Variants in COL4A3 observed in about 807,000 individuals in gnomAD.
COL4A3 encodes collagen alpha-3(IV) chain.
Under a neutral mutation model 217.4 loss-of-function variants are expected in COL4A3, and 135 were observed. That is an observed-to-expected ratio of 0.62 (90% CI 0.54 to 0.72). The LOEUF (loss-of-function observed/expected upper bound fraction) is 0.72, where lower values mean the gene tolerates loss of function less well. COL4A3 is among the 30% of genes least tolerant of loss of function. COL4A3 has a pLI of 0.00. For synonymous variants in COL4A3, 690 were observed against 736.3 expected (o/e 0.94, Z 1.02); for missense variants, 1,868 against 2,119.9 (o/e 0.88, Z 2.33).
chr2:227,202,168 A>G (rs1335119846), intron 1 of COL4A3, among the ~76,000 whole-genome samples: 2 of 152,182 alleles, frequency 1.3e-5, no homozygotes, highest in Non-Finnish European at 2.9e-5. Context: ...AATGTGTTGT[A>G]ACATTGTAGG....
chr2:227,225,477 G>A (rs1437414073), intron 1 of COL4A3, among the ~76,000 whole-genome samples: 1 of 152,094 alleles, frequency 6.6e-6, no homozygotes, highest in Non-Finnish European at 1.5e-5. Flanking sequence ...GATAAGATTA[G>A]TTTACTTTCA....
At chr2:227,198,781 T>A (rs571594662) in intron 1 of COL4A3, among the ~76,000 whole-genome samples, 3 of 152,176 alleles carry the variant, frequency 2.0e-5, no homozygotes, top group Admixed American at 1.3e-4. Context: ...GAAAAGATAT[T>A]CCATATTTAT....
In COL4A3 at chr2:227,237,980, A is replaced by G; in HGVS notation, c.100A>G (p.Lys34Glu). Residue 34 changes from lysine to glutamate, a missense_variant, in exon 2 of 52, where the codon AAA becomes GAA. Transcript: ENST00000396578. ...APAASKGCVC[K>E]DKGQCFCDGA... ...TCCCTCTTCCTAGGGTTGTGTCTGT[A>G]AAGACAAAGGCCAGTGCTTCTGTGA... The G allele has an allele frequency of 6.2e-7, 1 of 1,610,474 alleles. No homozygotes were observed. Among genetic ancestry groups the G allele is most frequent in the Non-Finnish European group, 8.5e-7 (1 of 1,176,872 alleles).
intron 1 of COL4A3, among the ~76,000 whole-genome samples, chr2:227,174,663 T>C (rs1024258715): frequency 2.6e-5 from 4 of 152,076 alleles, no homozygotes; most frequent in Non-Finnish European, 4.4e-5. Context: ...CCTGCCACTA[T>C]GCCCGCCTAA....
chr2:227,307,984 T>A, intron 48 of COL4A3, 65 bp downstream of exon 48: 4 of 1,413,700 alleles, frequency 2.8e-6, no homozygotes, highest in Non-Finnish European at 4.0e-6. Flanking sequence ...CTTTATAGCC[T>A]AGGATGCTTC....
chr2:227,167,746 A>T (rs966796768), intron 1 of COL4A3, among the ~76,000 whole-genome samples: 17 of 152,220 alleles, frequency 1.1e-4, no homozygotes, highest in Admixed American at 3.3e-4. Context: ...TATCCCTGAG[A>T]TTAAGCAAGT....
chr2:227,298,620 T>C (rs2073138324), intron 42 of COL4A3, 62 bp from the exon 43 acceptor site: 1 of 1,607,682 alleles, frequency 6.2e-7, no homozygotes, highest in Non-Finnish European at 8.5e-7. Flanking sequence ...AAACAATCAC[T>C]GATAAATAGA....
At chr2:227,274,519 G>A (rs115695280) in intron 26 of COL4A3, among the ~76,000 whole-genome samples, 3,641 of 148,844 alleles carry the variant, frequency 0.024, 150 homozygotes, top group African/African-American at 0.084. Context: ...TTTTGTCTGA[G>A]ATGGAATCTT....
rs1460616042 is a variant in COL4A3, at chr2:227,191,616, G to T, written c.87+26803G>T. On this transcript the variant is annotated intron_variant, in intron 1 of 51. Transcript: ENST00000396578. This position sits in a 1 kb window ranked among gnomAD's most constrained non-coding sequence, Gnocchi z 6.8. ...TCAGGATGATCAGATTTCAAAGTCG[G>T]CCAAATAACTCATCTTGGAGACAGA... Among the ~76,000 whole-genome samples, 1 of 152,130 alleles carries T rather than the reference G, an allele frequency of 6.6e-6. No individual in the cohort carries two copies. Among genetic ancestry groups the T allele is most frequent in the Non-Finnish European group, 1.5e-5 (1 of 68,026 alleles).
intron 41 of COL4A3, among the ~76,000 whole-genome samples, chr2:227,297,045 G>A (rs2073057725): frequency 1.3e-5 from 2 of 152,178 alleles, no homozygotes; most frequent in Admixed American, 6.5e-5. Flanking sequence ...ATTAACCTGT[G>A]ACCTTTTTGG....
At chr2:227,212,161 G>GT (rs398105403) in intron 1 of COL4A3, among the ~76,000 whole-genome samples, 15,627 of 148,472 alleles carry the variant, frequency 0.11, 939 homozygotes, top group East Asian at 0.23. Flanking sequence ...TGTTTTTTTT[G>GT]TTTTTTTTTG....
intron 1 of COL4A3, among the ~76,000 whole-genome samples, chr2:227,166,630 T>C (rs1379699292): frequency 6.6e-6 from 1 of 152,248 alleles, no homozygotes; most frequent in Non-Finnish European, 1.5e-5. Flanking sequence ...TGGTGACTTC[T>C]TGCTGAAATT....
chr2:227,221,886 AG>A (rs1049545508), intron 1 of COL4A3, among the ~76,000 whole-genome samples: 17 of 152,066 alleles, frequency 1.1e-4, no homozygotes, highest in Admixed American at 4.6e-4. Flanking sequence ...GGAAAAAAAA[AG>A]TGAAAATAAG....
chr2:227,243,562 G>C (rs962873331), intron 3 of COL4A3, among the ~76,000 whole-genome samples: 12 of 152,226 alleles, frequency 7.9e-5, no homozygotes, highest in South Asian at 2.1e-4. Flanking sequence ...GGCCTTGACA[G>C]TGCAATCTCA....
At chr2:227,259,771 A>AT in intron 18 of COL4A3, 22 bp from the exon 19 acceptor site, 1 of 1,528,812 alleles carries the variant, frequency 6.5e-7, no homozygotes, top group Non-Finnish European at 9.1e-7. Context: ...CTTTCTCTGT[A>AT]TTTGTTTCTT....
rs540689943 is a variant in COL4A3 at position 227,248,563 on chromosome 2, A to T, written c.546+43A>T. ...AGGTCCCTATTATTCTCAGTTTTTCACTCTCTCTCTCTCTTTTCGCCTCTC... is the reference window on the plus strand; with the variant it reads ...AGGTCCCTATTATTCTCAGTTTTTCTCTCTCTCTCTCTCTTTTCGCCTCTC... On this transcript the variant is annotated intron_variant, in intron 9 of 51. Coordinates refer to ENST00000396578, the MANE Select transcript of COL4A3 (RefSeq NM_000091.5). The T allele has an allele frequency of 1.2e-5, 15 of 1,284,464 alleles. No individual in the cohort carries two copies. The East Asian group carries it at 2.6e-4, about 22-fold the overall frequency. The allele number at this position is 1,284,464 out of a possible 1,614,324, so 79.6% of individuals were successfully genotyped here. A position where few individuals can be genotyped will look rare whatever the true frequency, so the allele number is the denominator to read the frequency against.
At chr2:227,248,607 T>C in intron 9 of COL4A3, 87 bp downstream of exon 9, 1 of 885,616 alleles carries the variant, frequency 1.1e-6, no homozygotes, top group Non-Finnish European at 1.9e-6. Flanking sequence ...GTCTCTCTTT[T>C]CCCCCATAAG....
Position 227,244,952 on chromosome 2 carries a change from G to A in COL4A3, c.281G>A (p.Gly94Glu), listed in dbSNP as rs780287240. 19 of 1,613,150 alleles carry A rather than the reference G, an allele frequency of 1.2e-5. No individual in the cohort carries two copies. The highest frequency in any genetic ancestry group is 1.6e-5 in the Non-Finnish European group (19 of 1,179,526). The change falls in exon 5 of 52, where the codon GGA becomes GAA. Residue 94 changes from glycine (G) to glutamate (E), a missense_variant and splice_region_variant. Gly to Glu is a moderately conservative substitution (Grantham distance 98). This residue lies in a region of COL4A3 where 365 missense variants were observed against 333.8 expected (regional missense o/e 1.09). Coordinates refer to ENST00000396578, the MANE Select transcript of COL4A3 (RefSeq NM_000091.5). ...CCCTCCTTTTTCCTATGTCTTCAGG[G>A]AATAAGTGGATTGCCAGGATTTTCT... Reference protein sequence around the residue: ...PGLTGSKGVRGISGLPGFSGS... With the variant: ...PGLTGSKGVREISGLPGFSGS...
Position 227,247,572 on chromosome 2 carries a change from G to T in COL4A3, c.456G>T (p.Leu152Phe). ...GYPGIPGAAG[L>F]KGQKGAPAKE... ...TTTTTTCCTAGGGTGCTGCTGGTTT[G>T]AAAGGACAAAAGGTAAGTCATTGGT... Residue 152 changes from leucine (L) to phenylalanine (F), a missense_variant, in exon 8 of 52, where the codon TTG becomes TTT. Around this residue, in one of 2 missense-constraint regions of COL4A3, gnomAD observed 365 missense variants for 333.8 expected, o/e 1.09. Transcript: ENST00000396578. The T allele has an allele frequency of 1.2e-6, 2 of 1,614,056 alleles. No homozygotes were observed. The highest frequency in any genetic ancestry group is 8.5e-7 in the Non-Finnish European group (1 of 1,179,966).
Sources: allele counts gnomAD v4.1 joint callset (sites outside exome capture counted in the v4.1 genomes callset), GRCh38; gene constraint gnomAD v4.1.1; regional missense constraint gnomAD v4.1.1; non-coding constraint Gnocchi (gnomAD v3.1); transcripts MANE v1.5; gene names NCBI Gene and HGNC (gene_info 2026-07-23, HGNC 2026-07-21).